Variants in ASB5 observed in about 807,000 individuals in gnomAD.
The protein encoded by ASB5 is ankyrin repeat and SOCS box containing 5.
A neutral mutation model predicts 42.1 loss-of-function variants in ASB5; 45 were observed. That is an observed-to-expected ratio of 1.07 (90% CI 0.84 to 1.37). ASB5 has a LOEUF of 1.37. ASB5 is among the 40% of genes most tolerant of loss of function. The pLI, the probability that ASB5 is intolerant of heterozygous loss-of-function variation, is 0.00. For missense variants in ASB5, 402 were observed against 399.8 expected, an observed-to-expected ratio of 1.01 and a Z score of -0.05; for synonymous variants, 147 against 150.6, an observed-to-expected ratio of 0.98 and a Z score of 0.18.
intron 1 of ASB5, among the ~76,000 whole-genome samples, chr4:176,240,277 T>C (rs1443674926): frequency 6.6e-6 from 1 of 152,224 alleles, no homozygotes; most frequent in Non-Finnish European, 1.5e-5. Flanking sequence ...CATAGATGAA[T>C]GATGGTCTAA....
chr4:176,235,011 A>G (rs1242283665), intron 1 of ASB5, among the ~76,000 whole-genome samples: 1 of 152,190 alleles, frequency 6.6e-6, no homozygotes, highest in East Asian at 1.9e-4. Context: ...GCCAGGAAGC[A>G]AACTCCGTTC....
At chr4:176,224,396 G>A (rs942711566) in intron 2 of ASB5, among the ~76,000 whole-genome samples, 17 of 151,868 alleles carry the variant, frequency 1.1e-4, no homozygotes, top group Admixed American at 1.3e-4. Context: ...CACCATGCCC[G>A]GATCATTTTT....
At chr4:176,237,476 C>G (rs1350197103) in intron 1 of ASB5, 17 of 985,886 alleles carry the variant, frequency 1.7e-5, no homozygotes, top group Non-Finnish European at 2.0e-5. Context: ...AATGCTCTAG[C>G]AAGAAGAAAT....
At chr4:176,256,796 G>T (rs1056738105) in intron 1 of ASB5, among the ~76,000 whole-genome samples, 1 of 152,076 alleles carries the variant, frequency 6.6e-6, no homozygotes, top group Non-Finnish European at 1.5e-5. Context: ...AAAATTAGCT[G>T]GGCATGGTTG....
chr4:176,230,155 C>T (rs1166023183), intron 1 of ASB5, among the ~76,000 whole-genome samples: 1 of 152,138 alleles, frequency 6.6e-6, no homozygotes, highest in Non-Finnish European at 1.5e-5. Flanking sequence ...ATGTTAAGTG[C>T]CTGCTCTCTA....
intron 1 of ASB5, among the ~76,000 whole-genome samples, chr4:176,246,877 T>C (rs1201461026): frequency 2.8e-4 from 42 of 152,102 alleles, no homozygotes; most frequent in Admixed American, 2.8e-3. Flanking sequence ...ATAAAAATGG[T>C]ACAACATTTA....
intron 1 of ASB5, among the ~76,000 whole-genome samples, chr4:176,265,534 A>T (rs979104674): frequency 6.6e-6 from 1 of 152,102 alleles, no homozygotes; most frequent in African/African-American, 2.4e-5. Context: ...CAATGCTTAG[A>T]ACTTGTCTTG....
chr4:176,221,457 G>T lies in ASB5; in HGVS notation c.528C>A (p.Ala176=), dbSNP rs1278474835. The T allele has an allele frequency of 1.2e-6, 2 of 1,612,848 alleles. No homozygotes were observed. The highest frequency in any genetic ancestry group is 4.5e-5 in the East Asian group (2 of 44,888). ...SCLPSPTHEA[A]SKGHHECLDI... ...ATCCCAGAACTAAGTTACCTTTACT[G>T]GCGGCCTCATGCGTTGGGGATGGAA... The change falls in exon 4 of 7, where the codon GCC becomes GCA. Residue 176 remains alanine (A), a synonymous_variant. Transcript: ENST00000296525.
At chr4:176,267,614 C>T (rs1754382233) in intron 1 of ASB5, among the ~76,000 whole-genome samples, 1 of 152,252 alleles carries the variant, frequency 6.6e-6, no homozygotes, top group African/African-American at 2.4e-5. Flanking sequence ...ATGTTAGCCC[C>T]AGTCTCCATA....
chr4:176,215,211 A>G lies in ASB5; in HGVS notation c.*389T>C, dbSNP rs1752934698. 6.5e-6 allele frequency: 1 copy of G among 153,822 alleles called. No homozygotes were observed. Among genetic ancestry groups the G allele is most frequent in the South Asian group, 2.0e-4 (1 of 4,888 alleles). The allele number at this position is 153,822 out of a possible 1,614,324, so 9.5% of individuals were successfully genotyped here. On this transcript the variant is annotated 3_prime_UTR_variant, in exon 7 of 7. Coordinates refer to ENST00000296525, the MANE Select transcript of ASB5 (RefSeq NM_080874.4). ...AATATCAGTAACAAGTTAGCCAATT[A>G]CAATAGCCAAAATTAAAAAGTTAAC...
chr4:176,271,514 A>G (rs1037487), upstream of ASB5, among the ~76,000 whole-genome samples: 27,891 of 152,194 alleles, frequency 0.18, 3,334 homozygotes, highest in Middle Eastern at 0.32. Flanking sequence ...AGACTGTGGT[A>G]GCAAGGTCTA....
chr4:176,232,182 G>A (rs561543602), intron 1 of ASB5, among the ~76,000 whole-genome samples: 5 of 150,944 alleles, frequency 3.3e-5, no homozygotes, highest in African/African-American at 9.7e-5. Flanking sequence ...TAGTGCAATG[G>A]TGCGATCTCG....
At chr4:176,252,991 G>T (rs1177708680) in intron 1 of ASB5, among the ~76,000 whole-genome samples, 1 of 152,178 alleles carries the variant, frequency 6.6e-6, no homozygotes, top group Non-Finnish European at 1.5e-5. Flanking sequence ...TAATGTATTA[G>T]CATTACATTA....
rs1752897105 is a variant in ASB5 at position 176,213,790 on chromosome 4, A to G, written c.*1810T>C. 6.6e-6 allele frequency: 1 copy of G among 152,134 alleles called. No homozygotes were observed. Among genetic ancestry groups the G allele is most frequent in the Non-Finnish European group, 1.5e-5 (1 of 67,980 alleles). The allele number at this position is 152,134 out of a possible 1,614,324, so 9.4% of individuals were successfully genotyped here. ...TCAAGCTAAGATACAAGGTACAGAC[A>G]TACTGAAATTGTAAAGTGACCATTT... On this transcript the variant is annotated 3_prime_UTR_variant, in exon 7 of 7. Transcript: ENST00000296525.
chr4:176,215,466 G>T lies in ASB5; in HGVS notation c.*134C>A. 1 of 856,330 alleles carries T rather than the reference G, an allele frequency of 1.2e-6. No homozygotes were observed. Among genetic ancestry groups the T allele is most frequent in the Non-Finnish European group, 1.7e-6 (1 of 577,364 alleles). The allele number at this position is 856,330 out of a possible 1,614,324, so 53.0% of individuals were successfully genotyped here. A position where few individuals can be genotyped will look rare whatever the true frequency, so the allele number is the denominator to read the frequency against. On this transcript the variant is annotated 3_prime_UTR_variant, in exon 7 of 7. Coordinates refer to ENST00000296525, the MANE Select transcript of ASB5 (RefSeq NM_080874.4). ...TACTAATACACTTAAAATGAAAATT[G>T]ATATTTTACTGCTTCCCTGGGTGAT...
intron 1 of ASB5, among the ~76,000 whole-genome samples, chr4:176,233,988 G>A (rs149527815): frequency 2.6e-5 from 4 of 151,952 alleles, no homozygotes; most frequent in African/African-American, 2.4e-5. Context: ...CCCACCAGGC[G>A]CACACCAGGA....
At chr4:176,221,005 T>C in intron 5 of ASB5, 150 bp downstream of exon 5, 1 of 1,056,222 alleles carries the variant, frequency 9.5e-7, no homozygotes. Context: ...AATGAGGTTC[T>C]TTTTTATTGG....
chr4:176,271,066 G>A (rs534787297), upstream of ASB5, among the ~76,000 whole-genome samples: 55 of 152,148 alleles, frequency 3.6e-4, 1 homozygote, highest in Middle Eastern at 0.01. Flanking sequence ...TGGAATCATC[G>A]GTGCATTAAG....
At chr4:176,246,383 T>C (rs1421964099) in intron 1 of ASB5, among the ~76,000 whole-genome samples, 1 of 152,170 alleles carries the variant, frequency 6.6e-6, no homozygotes, top group African/African-American at 2.4e-5. Context: ...ACCTATCAGA[T>C]ACATGCAGTA....
Sources: allele counts gnomAD v4.1 joint callset (sites outside exome capture counted in the v4.1 genomes callset), GRCh38; gene constraint gnomAD v4.1.1; transcripts MANE v1.5; gene names NCBI Gene and HGNC (gene_info 2026-07-23, HGNC 2026-07-21).